DMD: variants seen among roughly 807,000 people sequenced by gnomAD.
DMD encodes the protein dystrophin, also known as mutant dystrophin.
A neutral mutation model predicts 330.1 loss-of-function variants in DMD; 63 were observed. That is an observed-to-expected ratio of 0.19 (90% confidence interval 0.16 to 0.24). The LOEUF (loss-of-function observed/expected upper bound fraction) is 0.24, where lower values mean the gene tolerates loss of function less well. Among genes scored for constraint, DMD ranks in the 10% least tolerant of loss-of-function variants. DMD has a pLI of 1.00. For synonymous variants in DMD, 1,223 were observed against 959.8 expected (o/e 1.27, Z -5.07); for missense variants, 3,344 against 2,684.1 (o/e 1.25, Z -5.43).
chrX:32,789,802 A>G (rs1280158469), intron 7 of DMD, among the ~76,000 whole-genome samples: 1 of 111,962 alleles, frequency 8.9e-6, no homozygotes, highest in African/African-American at 3.2e-5. Context: ...CTTCTACCAA[A>G]AGGAACTTGC....
chrX:31,721,712 CTCTCTCTATATA>C (rs1340210138), intron 52 of DMD, among the ~76,000 whole-genome samples: 1,419 of 61,884 alleles, frequency 0.023, 13 homozygotes, highest in Admixed American at 0.037. Context: ...CTCTCTCTCT[CTCTCTCTATATA>C]TATATATATA....
intron 1 of DMD, among the ~76,000 whole-genome samples, chrX:33,020,466 T>C (rs2093893130): frequency 9.0e-6 from 1 of 111,697 alleles, no homozygotes; most frequent in African/African-American, 3.3e-5. Flanking sequence ...TTGAGGCCAG[T>C]AGTTTGAGAC....
intron 2 of DMD, among the ~76,000 whole-genome samples, chrX:32,867,595 C>A (rs1334529343): frequency 8.9e-6 from 1 of 111,860 alleles, no homozygotes; most frequent in East Asian, 2.8e-4. Context: ...AGTGATTCAT[C>A]TTTATCAGCA....
chrX:31,716,209 C>G (rs2085034085), intron 52 of DMD, among the ~76,000 whole-genome samples: 1 of 112,030 alleles, frequency 8.9e-6, no homozygotes, highest in Admixed American at 9.5e-5. Context: ...TCTAGCTGAA[C>G]CACCAGTTCT....
At chrX:31,571,033 T>C (rs1263228530) in intron 55 of DMD, among the ~76,000 whole-genome samples, 4 of 111,991 alleles carry the variant, frequency 3.6e-5, no homozygotes, top group African/African-American at 1.3e-4. Flanking sequence ...GCAAGACTAA[T>C]TTTAAGCTTG....
rs372630262 is a variant in DMD at position 32,838,435 on chromosome X, CCCT to C, written c.264+6345_264+6347del. On this transcript the variant is annotated intron_variant, in intron 4 of 78. Coordinates refer to ENST00000357033, the MANE Select transcript of DMD (RefSeq NM_004006.3). ...TGACAGGCCATGGTGTGTGACGTTC[CCCT>C]CCTAATGTCCATATGTTCTCATTGT... 3.7e-3 allele frequency among the ~76,000 whole-genome samples: 409 copies of C among 110,529 alleles called. 1 individual carries two copies. The highest frequency in any genetic ancestry group is 0.012 in the African/African-American group (361 of 30,432).
At chrX:31,698,391 A>C (rs140314408) in intron 52 of DMD, among the ~76,000 whole-genome samples, 3,620 of 112,276 alleles carry the variant, frequency 0.032, 73 homozygotes, top group Non-Finnish European at 0.049. Context: ...GGCATGATCA[A>C]GAATGAAGCT....
intron 47 of DMD, among the ~76,000 whole-genome samples, chrX:31,911,522 A>G (rs1414172047): frequency 9.2e-6 from 1 of 108,407 alleles, no homozygotes; most frequent in African/African-American, 3.4e-5. Flanking sequence ...TTTGCTAATG[A>G]CTTATTACTT....
At chrX:32,814,163 C>G (rs775953384) in intron 6 of DMD, among the ~76,000 whole-genome samples, 1 of 111,809 alleles carries the variant, frequency 8.9e-6, no homozygotes, top group Non-Finnish European at 1.9e-5. Flanking sequence ...TTCTAATTTG[C>G]TGTGGTAATA....
intron 55 of DMD, among the ~76,000 whole-genome samples, chrX:31,611,738 C>A (rs1444107476): frequency 1.8e-5 from 2 of 110,595 alleles, no homozygotes; most frequent in African/African-American, 6.6e-5. Context: ...TTTTTGAATT[C>A]TTTGTAGAGA....
chrX:32,777,245 G>A (rs1203560194), intron 7 of DMD, among the ~76,000 whole-genome samples: 4 of 68,436 alleles, frequency 5.8e-5, no homozygotes, highest in Non-Finnish European at 1.1e-4. Flanking sequence ...GACTGGACTG[G>A]AAGTTCCTAG....
At chrX:32,450,450 G>A (rs1330217198) in intron 26 of DMD, among the ~76,000 whole-genome samples, 1 of 110,883 alleles carries the variant, frequency 9.0e-6, no homozygotes, top group African/African-American at 3.3e-5. Flanking sequence ...CATAGAGATT[G>A]TTTTTACACA....
intron 44 of DMD, among the ~76,000 whole-genome samples, chrX:32,055,386 AAC>A (rs1488060940): frequency 1.8e-5 from 2 of 112,258 alleles, no homozygotes; most frequent in African/African-American, 6.5e-5. Flanking sequence ...AATTTATAGT[AAC>A]AGATTCAAAA....
intron 1 of DMD, among the ~76,000 whole-genome samples, chrX:33,246,906 G>A (rs2052672499): frequency 2.7e-5 from 3 of 110,190 alleles, no homozygotes; most frequent in Admixed American, 2.0e-4. Context: ...GGCTGGTCTC[G>A]AACTCCTGAC....
At chrX:32,869,903 A>G (rs2149133591) in intron 2 of DMD, among the ~76,000 whole-genome samples, 1 of 108,867 alleles carries the variant, frequency 9.2e-6, no homozygotes, top group South Asian at 4.1e-4. Flanking sequence ...GAAAACCAGC[A>G]CAAGACAAGG....
intron 44 of DMD, among the ~76,000 whole-genome samples, chrX:31,969,618 A>G (rs770265560): frequency 2.1e-4 from 23 of 111,796 alleles, no homozygotes; most frequent in Non-Finnish European, 3.4e-4. Context: ...AAATGAAGGA[A>G]GGAATGCATG....
intron 1 of DMD, among the ~76,000 whole-genome samples, chrX:33,250,072 A>G (rs1410583741): frequency 1.3e-5 from 1 of 75,211 alleles, no homozygotes; most frequent in African/African-American, 7.0e-5. Flanking sequence ...CCCACATAGT[A>G]GTAAACTATT....
chrX:32,127,945 C>T (rs1309850151), intron 44 of DMD, among the ~76,000 whole-genome samples: 1 of 112,039 alleles, frequency 8.9e-6, no homozygotes, highest in Non-Finnish European at 1.9e-5. Context: ...AATTGCATTG[C>T]TCAAGAATGC....
At chrX:32,663,076 C>CA (rs901619943) in intron 9 of DMD, among the ~76,000 whole-genome samples, 1 of 111,601 alleles carries the variant, frequency 9.0e-6, no homozygotes, top group Non-Finnish European at 1.9e-5. Context: ...AATGTGAAGA[C>CA]AAAAACTGAA....
Sources: gnomAD v4.1 joint callset for allele counts (sites outside exome capture counted in the v4.1 genomes callset) on GRCh38, gnomAD v4.1.1 for gene constraint, MANE v1.5 for transcripts, NCBI Gene and HGNC (gene_info 2026-07-23, HGNC 2026-07-21) for gene names.